The following PBX1 variants were observed in gnomAD, a reference collection of about 807,000 sequenced individuals.
PBX1 encodes pre-B-cell leukemia transcription factor 1.
In PBX1, 6 loss-of-function variants were observed where a neutral mutation model predicts 53.4. The ratio of observed to expected loss-of-function variants is 0.11; its 90% CI spans 0.06 to 0.22. The LOEUF (loss-of-function observed/expected upper bound fraction) is 0.22, where lower values mean the gene tolerates loss of function less well. Ranked by LOEUF, PBX1 falls within the 10% of genes least tolerant of loss-of-function variation. The probability of loss-of-function intolerance (pLI) is 1.00; values close to 1 mark genes in which losing one functional copy is unlikely to be tolerated. For synonymous variants in PBX1, 204 were observed against 212.3 expected (o/e 0.96, Z 0.34); for missense variants, 251 against 551.4 (o/e 0.46, Z 5.46).
At chr1:164,855,515 T>C (rs1018253660), downstream of PBX1, among the ~76,000 whole-genome samples, 26 of 152,160 alleles carry the variant, frequency 1.7e-4, no homozygotes, top group African/African-American at 5.1e-4. Flanking sequence ...ATTTGAACCA[T>C]ATCCCAGTGT....
intron 2 of PBX1, among the ~76,000 whole-genome samples, chr1:164,766,153 G>A (rs1311805039): frequency 6.6e-6 from 1 of 152,132 alleles, no homozygotes; most frequent in Non-Finnish European, 1.5e-5. Context: ...CATCATTCAA[G>A]CACAAAATCC....
intron 8 of PBX1, among the ~76,000 whole-genome samples, chr1:164,833,197 A>AGAAAAC (rs1553252267): frequency 6.6e-6 from 1 of 151,136 alleles, no homozygotes; most frequent in Non-Finnish European, 1.5e-5. Flanking sequence ...CCCCTCGCTA[A>AGAAAAC]AAAAACAAAA....
intron 2 of PBX1, among the ~76,000 whole-genome samples, chr1:164,656,194 A>T (rs1660153316): frequency 1.3e-5 from 2 of 152,210 alleles, no homozygotes; most frequent in Non-Finnish European, 2.9e-5. Context: ...AAGAAGTGCC[A>T]CATAAATATT....
chr1:164,674,036 A>G (rs1320576525), intron 2 of PBX1, among the ~76,000 whole-genome samples: 2 of 152,212 alleles, frequency 1.3e-5, no homozygotes, highest in Non-Finnish European at 2.9e-5. Context: ...ACGCCAGTAC[A>G]TACAGAACAT....
At chr1:164,735,809 T>C (rs1055490861) in intron 2 of PBX1, among the ~76,000 whole-genome samples, 3 of 152,094 alleles carry the variant, frequency 2.0e-5, no homozygotes, top group African/African-American at 7.2e-5. Context: ...TCAGCAGTAA[T>C]TGGATTCTGG....
chr1:164,732,841 C>A (rs2102142741), intron 2 of PBX1, among the ~76,000 whole-genome samples: 1 of 152,238 alleles, frequency 6.6e-6, no homozygotes, highest in Admixed American at 6.5e-5. Context: ...TCTTTCTTAG[C>A]TATATACAGT....
At chr1:164,589,130 G>C (rs1655174859) in intron 2 of PBX1, among the ~76,000 whole-genome samples, 1 of 152,094 alleles carries the variant, frequency 6.6e-6, no homozygotes, top group African/African-American at 2.4e-5. Flanking sequence ...CAAATGCTGA[G>C]GACCCAGGCG....
Position 164,848,399 on chromosome 1 carries a change from G to A in PBX1, c.*1723G>A, listed in dbSNP as rs1416003328. ...TTATGCCTGGCTTACTAAGAGTCTT[G>A]TGAGAGACTGAGAAGTTGATTTTGT... On this transcript the variant is annotated 3_prime_UTR_variant, in exon 9 of 9. Transcript: ENST00000420696. 1 of 1,054,726 alleles carries A rather than the reference G, an allele frequency of 9.5e-7. No homozygotes were observed. Among genetic ancestry groups the A allele is most frequent in the African/African-American group, 1.7e-5 (1 of 60,522 alleles). The allele number at this position is 1,054,726 out of a possible 1,614,324, so 65.3% of individuals were successfully genotyped here. A position where few individuals can be genotyped will look rare whatever the true frequency, so the allele number is the denominator to read the frequency against.
intron 2 of PBX1, among the ~76,000 whole-genome samples, chr1:164,582,457 T>C (rs1468664470): frequency 6.6e-6 from 1 of 151,780 alleles, no homozygotes; most frequent in Non-Finnish European, 1.5e-5. Flanking sequence ...AGTTTCGCTC[T>C]TGTTCCCCAG....
chr1:164,811,114 C>T (rs1669588125), intron 5 of PBX1, among the ~76,000 whole-genome samples: 1 of 152,164 alleles, frequency 6.6e-6, no homozygotes, highest in Non-Finnish European at 1.5e-5. Flanking sequence ...AAAACATCGA[C>T]ATTTTAGTTC....
chr1:164,867,773 A>G (rs1304175310), intron 2 of PBX1, among the ~76,000 whole-genome samples: 2 of 152,234 alleles, frequency 1.3e-5, no homozygotes, highest in East Asian at 3.8e-4. Flanking sequence ...CTTGTCAATG[A>G]TTATTCAATC....
intron 8 of PBX1, among the ~76,000 whole-genome samples, chr1:164,841,602 C>T (rs1240448800): frequency 6.6e-6 from 1 of 152,118 alleles, no homozygotes. Context: ...CCTAAGGGGG[C>T]TTTCCAATAG....
At chr1:164,867,840 C>G (rs1448408573) in intron 2 of PBX1, among the ~76,000 whole-genome samples, 4 of 152,238 alleles carry the variant, frequency 2.6e-5, no homozygotes, top group Admixed American at 1.3e-4. Context: ...GCCCAGCCCG[C>G]AGCTTTTGCA....
At chr1:164,610,728 T>A (rs1054648533) in intron 2 of PBX1, among the ~76,000 whole-genome samples, 4 of 152,212 alleles carry the variant, frequency 2.6e-5, no homozygotes, top group African/African-American at 9.6e-5. Flanking sequence ...CTTGCTGTGA[T>A]GGGCTGGCAG....
chr1:164,864,833 A>T (rs1672179653), intron 2 of PBX1, among the ~76,000 whole-genome samples: 2 of 152,306 alleles, frequency 1.3e-5, no homozygotes, highest in Admixed American at 1.3e-4. Context: ...CCTGTTCCAC[A>T]TTGTGCCAGG....
rs900398155 is a variant in PBX1 at position 164,851,196 on chromosome 1, G to A, written c.*4520G>A. Reference sequence around the variant, plus strand: ...TTGCAAAACTGGCTTGATTTGGAATGTTTTTATTAGAGGAAAAAAGAAAGC... The same window carrying A: ...TTGCAAAACTGGCTTGATTTGGAATATTTTTATTAGAGGAAAAAAGAAAGC... On this transcript the variant is annotated 3_prime_UTR_variant, in exon 9 of 9. Coordinates refer to ENST00000420696, the MANE Select transcript of PBX1 (RefSeq NM_002585.4). 1 of 213,262 alleles carries A rather than the reference G, an allele frequency of 4.7e-6. No individual in the cohort carries two copies. The highest frequency in any genetic ancestry group is 9.5e-6 in the Non-Finnish European group (1 of 105,530). The allele number at this position is 213,262 out of a possible 1,614,324, so 13.2% of individuals were successfully genotyped here. A position where few individuals can be genotyped will look rare whatever the true frequency, so the allele number is the denominator to read the frequency against.
At chr1:164,571,209 T>A (rs1653826444) in intron 2 of PBX1, among the ~76,000 whole-genome samples, 1 of 152,212 alleles carries the variant, frequency 6.6e-6, no homozygotes, top group Non-Finnish European at 1.5e-5. Context: ...ATTCACCCAT[T>A]TAAATGATAT....
chr1:164,697,317 C>T (rs2171693), intron 2 of PBX1, among the ~76,000 whole-genome samples: 36,064 of 152,022 alleles, frequency 0.24, 4,511 homozygotes, highest in East Asian at 0.46. Context: ...ACTGAAAGCA[C>T]GGCAGCTTCC....
At chr1:164,754,664 TGTGTACGTGC>T (rs930163757) in intron 2 of PBX1, among the ~76,000 whole-genome samples, 2 of 152,134 alleles carry the variant, frequency 1.3e-5, no homozygotes, top group Admixed American at 1.3e-4. Flanking sequence ...GAGGGGTGTG[TGTGTACGTGC>T]GTGCACGTGC....
Sources: gnomAD v4.1 joint callset for allele counts (sites outside exome capture counted in the v4.1 genomes callset) on GRCh38, gnomAD v4.1.1 for gene constraint, MANE v1.5 for transcripts, NCBI Gene and HGNC (gene_info 2026-07-23, HGNC 2026-07-21) for gene names.